PPP2R1B: variants seen among roughly 807,000 people sequenced by gnomAD.
PPP2R1B encodes the protein serine/threonine-protein phosphatase 2A 65 kDa regulatory subunit A beta isoform.
In PPP2R1B, 58 loss-of-function variants were observed where a neutral mutation model predicts 72.7. That is an observed-to-expected ratio of 0.80 (90% CI 0.65 to 0.99). The LOEUF (loss-of-function observed/expected upper bound fraction) is 0.99. PPP2R1B is among the 50% of genes least tolerant of loss of function. The pLI is 0.00. For synonymous variants in PPP2R1B, 256 were observed against 264.6 expected, an observed-to-expected ratio of 0.97 and a Z score of 0.32; for missense variants, 695 against 733.6, an observed-to-expected ratio of 0.95 and a Z score of 0.61.
At chr11:111,745,389 A>G (rs1156601626) in intron 11 of PPP2R1B, among the ~76,000 whole-genome samples, 1 of 152,166 alleles carries the variant, frequency 6.6e-6, no homozygotes, top group African/African-American at 2.4e-5. Context: ...GATTTTTATC[A>G]TAATGCCATT....
chr11:111,751,124 C>T (rs956770341), intron 10 of PPP2R1B, among the ~76,000 whole-genome samples: 1 of 152,150 alleles, frequency 6.6e-6, no homozygotes, highest in Non-Finnish European at 1.5e-5. Flanking sequence ...CAGGTGTCAG[C>T]CACTGTGCCC....
Position 111,765,320 on chromosome 11 carries a change from C to T in PPP2R1B, c.179G>A (p.Arg60Gln). Residue 60 changes from arginine (R) to glutamine (Q), a missense_variant, in exon 2 of 15, where the codon CGA becomes CAA. By Grantham distance (43) the Arg-to-Gln change is conservative. Coordinates refer to ENST00000527614, the MANE Select transcript of PPP2R1B (RefSeq NM_002716.5). ...TGTAAGAAATGGCAACAATTCACTT[C>T]GGGTCCTTTCTACTCCAAGTGCTAG... is the stretch of plus-strand genomic sequence containing the variant. ...IALALGVERT[R>Q]SELLPFLTDT... 1.2e-6 allele frequency: 2 copies of T among 1,613,104 alleles called. No homozygotes were observed. Among genetic ancestry groups the T allele is most frequent in the Admixed American group, 1.7e-5 (1 of 59,990 alleles).
chr11:111,737,579 C>CA (rs1277479344), downstream of PPP2R1B: 6 of 1,614,094 alleles, frequency 3.7e-6, no homozygotes, highest in Non-Finnish European at 5.1e-6. Flanking sequence ...ACTAGAGACA[C>CA]AGACAGTGGC....
chr11:111,757,375 A>T (rs1555050052), intron 5 of PPP2R1B, among the ~76,000 whole-genome samples: 1 of 152,232 alleles, frequency 6.6e-6, no homozygotes, highest in Non-Finnish European at 1.5e-5. Flanking sequence ...AACTGACTAT[A>T]TGCCAAAGAC....
At chr11:111,763,806 G>C in intron 3 of PPP2R1B, among the ~76,000 whole-genome samples, 1 of 151,128 alleles carries the variant, frequency 6.6e-6, no homozygotes, top group Non-Finnish European at 1.5e-5. Flanking sequence ...TGACATACAA[G>C]TAGAAAAAAG....
chr11:111,755,222 A>T (rs1945058759), intron 6 of PPP2R1B, 73 bp downstream of exon 6: 1 of 1,544,234 alleles, frequency 6.5e-7, no homozygotes, highest in South Asian at 1.2e-5. Context: ...ATTAATTCAG[A>T]AACTTTGGGT....
At position 111,759,954 on chromosome 11, in the gene PPP2R1B, G is replaced by C; in HGVS notation, c.540-3C>G. The stretch of plus-strand genomic sequence containing the variant: ...CTGAGCACAAGGAACGGAATTGCCT[G>C]CAACATAAAACAATGAAGGTATTTC... On this transcript the variant is annotated splice_polypyrimidine_tract_variant and splice_region_variant and intron_variant, in intron 4 of 14. Transcript: ENST00000527614. The C allele has an allele frequency of 6.2e-7, 1 of 1,613,094 alleles. No individual in the cohort carries two copies. The highest frequency in any genetic ancestry group is 8.5e-7 in the Non-Finnish European group (1 of 1,179,386).
rs551337139 is a variant in PPP2R1B, at chr11:111,763,202, G to T, written c.306+1603C>A. On this transcript the variant is annotated intron_variant, in intron 3 of 14. Transcript: ENST00000527614. ...GCTTGAAAGAGCTTTTCATTAGAGG[G>T]AAGACCTAGGGCAAAGGTCCTAAGG... Among the ~76,000 whole-genome samples, 5 of 152,328 alleles carry T rather than the reference G, an allele frequency of 3.3e-5. No individual in the cohort carries two copies. In the South Asian group the frequency reaches 6.2e-4, roughly 19 times the overall value.
the PPP2R1B span, among the ~76,000 whole-genome samples, chr11:111,690,975 A>G: frequency 6.6e-6 from 1 of 152,152 alleles, no homozygotes; most frequent in Non-Finnish European, 1.5e-5. Context: ...TAGGTGTGTA[A>G]ATCATATGCT....
the PPP2R1B span, among the ~76,000 whole-genome samples, chr11:111,713,339 T>C: frequency 1.3e-5 from 2 of 152,206 alleles, no homozygotes; most frequent in Non-Finnish European, 1.5e-5. Flanking sequence ...TAGTAGAGTG[T>C]CATAGAAAAC....
the PPP2R1B span, chr11:111,721,072 T>G: frequency 1.2e-6 from 2 of 1,606,330 alleles, no homozygotes; most frequent in Non-Finnish European, 1.7e-6. Context: ...GGTGGGTACC[T>G]TGGGCCCTTC....
chr11:111,693,673 G>A, the PPP2R1B span, among the ~76,000 whole-genome samples: 1 of 152,222 alleles, frequency 6.6e-6, no homozygotes, highest in Non-Finnish European at 1.5e-5. Context: ...AGGGCTTCAT[G>A]TAGAGTACTG....
chr11:111,741,272 G>C lies in PPP2R1B; in HGVS notation c.*324C>G, dbSNP rs746005521. On this transcript the variant is annotated 3_prime_UTR_variant, in exon 15 of 15. Coordinates refer to ENST00000527614, the MANE Select transcript of PPP2R1B (RefSeq NM_002716.5). ...TCCACACCCTTCCAGGCTTTGTCTG[G>C]AACATTATGTGGCTGGTGCCTGATT... The C allele has an allele frequency of 6.9e-6, 8 of 1,152,798 alleles. No homozygotes were observed. In the South Asian group the frequency reaches 1.9e-4, roughly 28 times the overall value. The allele number at this position is 1,152,798 out of a possible 1,614,324, so 71.4% of individuals were successfully genotyped here. A position where few individuals can be genotyped will look rare whatever the true frequency, so the allele number is the denominator to read the frequency against.
At chr11:111,730,619 TTGG>T (rs1565414532) in intron 15 of PPP2R1B, 2 of 152,032 alleles carry the variant, frequency 1.3e-5, no homozygotes, top group African/African-American at 2.4e-5. Flanking sequence ...AAGAAAAAAA[TTGG>T]TGAGTTCAGT....
intron 10 of PPP2R1B, among the ~76,000 whole-genome samples, chr11:111,749,630 T>C (rs375518648): frequency 3.5e-4 from 53 of 152,180 alleles, no homozygotes; most frequent in South Asian, 4.1e-4. Context: ...CTTAACATCG[T>C]CCACAAGCCA....
the PPP2R1B span, among the ~76,000 whole-genome samples, chr11:111,717,400 C>G: frequency 2.1e-5 from 3 of 143,888 alleles, no homozygotes; most frequent in Admixed American, 2.1e-4. Context: ...GAGATACTAT[C>G]TCATGCCAGT....
chr11:111,753,677 A>C, intron 8 of PPP2R1B, 100 bp from the exon 9 acceptor site: 2 of 1,289,172 alleles, frequency 1.6e-6, no homozygotes, highest in Non-Finnish European at 2.1e-6. Context: ...CCCAGGCTGG[A>C]GTGCAGTGGC....
At chr11:111,712,300 G>C in the PPP2R1B span, 5 of 1,614,090 alleles carry the variant, frequency 3.1e-6, no homozygotes, top group Non-Finnish European at 4.2e-6. Flanking sequence ...CCAACGTGGA[G>C]GCCTTTTCAT....
chr11:111,752,524 A>G (rs1216384986), intron 9 of PPP2R1B, among the ~76,000 whole-genome samples, 192 bp from the exon 10 acceptor site: 3 of 152,256 alleles, frequency 2.0e-5, no homozygotes, highest in Non-Finnish European at 4.4e-5. Context: ...TTCAATTAAA[A>G]GTCCGTAATA....
Sources: gnomAD v4.1 joint callset for allele counts (sites outside exome capture counted in the v4.1 genomes callset) on GRCh38, gnomAD v4.1.1 for gene constraint, MANE v1.5 for transcripts, NCBI Gene and HGNC (gene_info 2026-07-23, HGNC 2026-07-21) for gene names.